Variants in WT1 observed in about 807,000 individuals in gnomAD.
WT1 encodes WT1 transcription factor.
In WT1, 8 loss-of-function variants were observed where a neutral mutation model predicts 60.8. That is an observed-to-expected ratio of 0.13 (90% CI 0.08 to 0.24). WT1 has a LOEUF of 0.24. Ranked by LOEUF, WT1 falls within the 10% of genes least tolerant of loss-of-function variation. WT1 has a pLI of 1.00. For synonymous variants in WT1, 312 were observed against 297.1 expected, an observed-to-expected ratio of 1.05 and a Z score of -0.52; for missense variants, 568 against 711.8, an observed-to-expected ratio of 0.80 and a Z score of 2.30.
chr11:32,430,131 G>T (rs1853229306), intron 1 of WT1, among the ~76,000 whole-genome samples: 2 of 152,022 alleles, frequency 1.3e-5, no homozygotes, highest in Admixed American at 1.3e-4. Flanking sequence ...CTCACACACT[G>T]CTCAGCACCA....
At chr11:32,417,769 C>T in intron 3 of WT1, 115 bp from the exon 4 acceptor site, 1 of 825,762 alleles carries the variant, frequency 1.2e-6, no homozygotes, top group South Asian at 1.4e-5. Flanking sequence ...CCACATTTTC[C>T]AGAATGACAG....
intron 5 of WT1, among the ~76,000 whole-genome samples, chr11:32,414,884 A>AG (rs1267541247): frequency 3.3e-5 from 5 of 152,066 alleles, no homozygotes; most frequent in Admixed American, 1.3e-4. Context: ...AAAAAAAAAA[A>AG]AAAAAGAAAT....
chr11:32,394,376 T>G (rs980793491), intron 7 of WT1, among the ~76,000 whole-genome samples: 6 of 152,176 alleles, frequency 3.9e-5, no homozygotes, highest in African/African-American at 1.4e-4. Flanking sequence ...TCTGAGAAAC[T>G]TTCTCGGATG....
Position 32,396,110 on chromosome 11 carries a change from C to G in WT1, c.1264+147G>C, listed in dbSNP as rs193039881. 1.7e-4 allele frequency: 193 copies of G among 1,146,414 alleles called. No homozygotes were observed. In the Middle Eastern group the frequency reaches 4.6e-3, roughly 27 times the overall value. The allele number at this position is 1,146,414 out of a possible 1,614,324, so 71.0% of individuals were successfully genotyped here. On this transcript the variant is annotated intron_variant, in intron 7 of 9. Coordinates refer to ENST00000452863, the MANE Select transcript of WT1 (RefSeq NM_024426.6). ...ATAATCAGAATGCAAAATGGCCCCA[C>G]AGCCTCTTTACAACACCTGGATCAG...
At chr11:32,413,250 T>C (rs1284215899) in intron 5 of WT1, among the ~76,000 whole-genome samples, 1 of 152,236 alleles carries the variant, frequency 6.6e-6, no homozygotes, top group Admixed American at 6.5e-5. Flanking sequence ...TTTCCTGTAA[T>C]AGATCAACCT....
intron 6 of WT1, among the ~76,000 whole-genome samples, chr11:32,398,916 G>A (rs1852056113): frequency 6.6e-6 from 1 of 151,556 alleles, no homozygotes; most frequent in African/African-American, 2.4e-5. Context: ...CAGCACTTTG[G>A]GAGGCCGAGG....
chr11:32,430,432 C>CAGAG (rs370524588), intron 1 of WT1: 58 of 1,085,524 alleles, frequency 5.3e-5, no homozygotes, highest in Admixed American at 1.8e-4. Context: ...GAGACAGACA[C>CAGAG]AGAGAGAGAG....
chr11:32,416,210 T>C (rs974039723), intron 5 of WT1, among the ~76,000 whole-genome samples: 1 of 152,126 alleles, frequency 6.6e-6, no homozygotes, highest in Non-Finnish European at 1.5e-5. Context: ...AAATTTAGTA[T>C]TTAGTATTTT....
chr11:32,390,610 T>C (rs915945199), intron 9 of WT1, among the ~76,000 whole-genome samples: 1 of 152,202 alleles, frequency 6.6e-6, no homozygotes, highest in Non-Finnish European at 1.5e-5. Context: ...TCGCTGTTCC[T>C]CTGCTCTTCC....
chr11:32,422,543 G>T (rs561704258), intron 3 of WT1, among the ~76,000 whole-genome samples: 10 of 152,320 alleles, frequency 6.6e-5, no homozygotes, highest in African/African-American at 2.4e-4. Flanking sequence ...TTATTTTCTT[G>T]GGCATGGGCT....
intron 5 of WT1, among the ~76,000 whole-genome samples, chr11:32,404,832 A>G (rs964837187): frequency 1.3e-4 from 20 of 152,166 alleles, no homozygotes; most frequent in African/African-American, 4.8e-4. Context: ...CTTGGTCATG[A>G]TCCCTGTTTT....
chr11:32,394,421 G>A (rs764568378), intron 7 of WT1, among the ~76,000 whole-genome samples: 1 of 151,920 alleles, frequency 6.6e-6, no homozygotes, highest in African/African-American at 2.4e-5. Context: ...CAAACCCCTC[G>A]GTACCTCCTG....
intron 1 of WT1, chr11:32,430,474 G>GAA: frequency 6.4e-7 from 1 of 1,566,664 alleles, no homozygotes; most frequent in Non-Finnish European, 8.7e-7. Flanking sequence ...GAGAGAGAGA[G>GAA]AGAGAGAGAG....
At chr11:32,396,491 G>A (rs2132943026) in intron 6 of WT1, 84 bp from the exon 7 acceptor site, 1 of 1,579,144 alleles carries the variant, frequency 6.3e-7, no homozygotes, top group Non-Finnish European at 8.6e-7. Context: ...GAGCACTGGA[G>A]TATATCCAAA....
At chr11:32,394,270 GT>G (rs2132929556) in intron 7 of WT1, among the ~76,000 whole-genome samples, 1 of 152,206 alleles carries the variant, frequency 6.6e-6, no homozygotes, top group South Asian at 2.1e-4. Flanking sequence ...CCCCTATTGA[GT>G]CTGATTTCCT....
chr11:32,426,550 T>C (rs908892095), intron 3 of WT1, among the ~76,000 whole-genome samples: 1 of 152,142 alleles, frequency 6.6e-6, no homozygotes, highest in African/African-American at 2.4e-5. Context: ...GAATGATTTC[T>C]AGCTAGGGAC....
In WT1 at chr11:32,394,539, C is replaced by T. The variant is rs79407823; in HGVS notation, c.1264+1718G>A. 3.5e-3 allele frequency among the ~76,000 whole-genome samples: 527 copies of T among 152,282 alleles called. 3 individuals carry two copies. Among genetic ancestry groups the T allele is most frequent in the African/African-American group, 0.012 (498 of 41,550 alleles). On this transcript the variant is annotated intron_variant, in intron 7 of 9. Transcript: ENST00000452863. ...CTTTGAGAAGGAGGATTATAACCTG[C>T]AGTTAAAAAGAAGGAGTTTGAGTCC...
intron 1 of WT1, among the ~76,000 whole-genome samples, chr11:32,432,041 T>C (rs1227741042): frequency 1.3e-5 from 2 of 152,220 alleles, no homozygotes; most frequent in African/African-American, 4.8e-5. Flanking sequence ...ATTGTCTTAA[T>C]TAATATTCAG....
In WT1 at chr11:32,396,351, G is replaced by C. The variant is rs2132940856; in HGVS notation, c.1170C>G (p.Thr390=). 1 of 1,614,172 alleles carries C rather than the reference G, an allele frequency of 6.2e-7. No individual in the cohort carries two copies. The highest frequency in any genetic ancestry group is 2.2e-5 in the East Asian group (1 of 44,872). The change falls in exon 7 of 10, where the codon ACC becomes ACG. Residue 390 remains threonine, a synonymous_variant. Coordinates refer to ENST00000452863, the MANE Select transcript of WT1 (RefSeq NM_024426.6). ...CACACATGAAGGGGCGTTTCTCACTGGTCTCAGATGCCGACCGTACAAGAG... is the reference window on the plus strand; with the variant it reads ...CACACATGAAGGGGCGTTTCTCACTCGTCTCAGATGCCGACCGTACAAGAG...
Sources: gnomAD v4.1 joint callset for allele counts (sites outside exome capture counted in the v4.1 genomes callset) on GRCh38, gnomAD v4.1.1 for gene constraint, MANE v1.5 for transcripts, NCBI Gene and HGNC (gene_info 2026-07-23, HGNC 2026-07-21) for gene names.